The following ANKRD11 variants were observed in gnomAD, a reference collection of about 807,000 sequenced individuals.
ANKRD11 encodes ankyrin repeat domain 11.
A neutral mutation model predicts 195.7 loss-of-function variants in ANKRD11; 17 were observed. That is an observed-to-expected ratio of 0.09 (90% CI 0.06 to 0.13). The LOEUF (loss-of-function observed/expected upper bound fraction) is 0.13. ANKRD11 is among the 10% of genes least tolerant of loss of function. The pLI is 1.00. For missense variants in ANKRD11, 3,735 were observed against 3,566.1 expected, an observed-to-expected ratio of 1.05 and a Z score of -1.21; for synonymous variants, 1,953 against 1,528.1, an observed-to-expected ratio of 1.28 and a Z score of -6.49.
chr16:89,435,513 G>A (rs2043177091), intron 1 of ANKRD11, among the ~76,000 whole-genome samples: 1 of 152,134 alleles, frequency 6.6e-6, no homozygotes, highest in African/African-American at 2.4e-5. Flanking sequence ...CACTCCTGAA[G>A]TCAGCGAGAC....
intron 1 of ANKRD11, among the ~76,000 whole-genome samples, chr16:89,433,734 C>T (rs976003812): frequency 1.3e-5 from 2 of 150,682 alleles, no homozygotes; most frequent in South Asian, 2.1e-4. Flanking sequence ...AGAGAAGGAA[C>T]GGGCTTGGAC....
chr16:89,280,218 G>A lies in ANKRD11; in HGVS notation c.6324C>T (p.Gly2108=), dbSNP rs765982650. The A allele has an allele frequency of 5.6e-6, 9 of 1,607,566 alleles. No homozygotes were observed. In the East Asian group the frequency reaches 1.3e-4, roughly 24 times the overall value. The part of the protein sequence containing the change: ...LENSFLDGSR[G]LSHLGQVEPV... ...GCTCCACCTGGCCGAGGTGAGACAG[G>A]CCGCGGCTGCCGTCCAGGAAGCTAT... The change falls in exon 9 of 13, where the codon GGC becomes GGT. Residue 2108 remains glycine (G), a synonymous_variant. Coordinates refer to ENST00000301030, the MANE Select transcript of ANKRD11 (RefSeq NM_013275.6).
chr16:89,291,098 T>C lies in ANKRD11; in HGVS notation c.312A>G (p.Gly104=). 1.9e-6 allele frequency: 3 copies of C among 1,613,862 alleles called. No homozygotes were observed. Among genetic ancestry groups the C allele is most frequent in the South Asian group, 1.1e-5 (1 of 91,084 alleles). The change falls in exon 5 of 13, where the codon GGA becomes GGG. Residue 104 remains glycine (G), a synonymous_variant. Coordinates refer to ENST00000301030, the MANE Select transcript of ANKRD11 (RefSeq NM_013275.6). The surrounding 1 kb of genome is among the most constrained non-coding windows in gnomAD (Gnocchi z 5.3). ...CGGAGAGGGGGTAGCCGGCTCGGAT[T>C]CCAGACAGCCCCATGCCAAACAGCA... ...AGLLFGMGLS[G]IRAGYPLSER...
chr16:89,340,643 T>C (rs2038612392), intron 2 of ANKRD11, among the ~76,000 whole-genome samples: 2 of 152,240 alleles, frequency 1.3e-5, no homozygotes, highest in Non-Finnish European at 2.9e-5. Context: ...CATCATCTTT[T>C]TTTCTAACAT....
At chr16:89,330,853 A>C (rs2038028584) in intron 2 of ANKRD11, among the ~76,000 whole-genome samples, 1 of 152,192 alleles carries the variant, frequency 6.6e-6, no homozygotes, top group Non-Finnish European at 1.5e-5. Flanking sequence ...AACTTCCCCC[A>C]GTGGCTTTTG....
Position 89,281,977 on chromosome 16 carries a change from C to T in ANKRD11, c.4565G>A (p.Gly1522Asp). 3 of 1,612,854 alleles carry T rather than the reference C, an allele frequency of 1.9e-6. No homozygotes were observed. The South Asian group carries it at 3.3e-5, about 18-fold the overall frequency. The change falls in exon 9 of 13, where the codon GGC (glycine) becomes GAC (aspartate). Residue 1522 changes from glycine (G) to aspartate (D), a missense_variant. Physicochemically the swap from Gly to Asp is moderately conservative, Grantham distance 94. Transcript: ENST00000301030. The surrounding 1 kb of genome is among the most constrained non-coding windows in gnomAD (Gnocchi z 5.5). Reference sequence around the variant, plus strand: ...CAGTTTGGCATCGCCGAGCCTCGGGCCCTCGTCCCTGGACTTGTCTTTGAG... The same window carrying T: ...CAGTTTGGCATCGCCGAGCCTCGGGTCCTCGTCCCTGGACTTGTCTTTGAG... The part of the protein sequence containing the change: ...RVLKDKSRDE[G>D]PRLGDAKLKE...
Position 89,292,503 on chromosome 16 carries a change from A to T in ANKRD11, c.227-1320T>A, listed in dbSNP as rs572439522. 2.0e-5 allele frequency among the ~76,000 whole-genome samples: 3 copies of T among 152,236 alleles called. No individual in the cohort carries two copies. In the East Asian group the frequency reaches 5.8e-4, roughly 29 times the overall value. ...GTTCTTTCCAAGGTATCTGAGGCTGATTTCTTAGGAATTCGGTCTGGGGCA... is the reference window on the plus strand; with the variant it reads ...GTTCTTTCCAAGGTATCTGAGGCTGTTTTCTTAGGAATTCGGTCTGGGGCA... On this transcript the variant is annotated intron_variant, in intron 4 of 12. Coordinates refer to ENST00000301030, the MANE Select transcript of ANKRD11 (RefSeq NM_013275.6).
intron 7 of ANKRD11, chr16:89,287,857 C>T (rs895231750): frequency 2.5e-5 from 7 of 277,604 alleles, no homozygotes; most frequent in East Asian, 1.9e-4. Context: ...AGGAGCACGA[C>T]GGGCACCAGC....
intron 1 of ANKRD11, among the ~76,000 whole-genome samples, chr16:89,424,835 G>A (rs1192814807): frequency 6.6e-6 from 1 of 152,100 alleles, no homozygotes; most frequent in Non-Finnish European, 1.5e-5. Context: ...AGGGACGGGG[G>A]CCCCCAGTGG....
chr16:89,346,453 T>C (rs1279804406), intron 2 of ANKRD11, among the ~76,000 whole-genome samples: 2 of 151,962 alleles, frequency 1.3e-5, no homozygotes, highest in African/African-American at 4.8e-5. Flanking sequence ...AACACAATAA[T>C]CACGCAATCC....
rs1038889507 is a variant in ANKRD11, at chr16:89,471,336, T to C, written c.-145+18909A>G. Among the ~76,000 whole-genome samples, 9 of 152,260 alleles carry C rather than the reference T, an allele frequency of 5.9e-5. No individual in the cohort carries two copies. In the East Asian group the frequency reaches 1.7e-3, roughly 29 times the overall value. The stretch of plus-strand genomic sequence containing the variant: ...AAAAGCCTGCTGCCCCGAAGTCCTG[T>C]GTGGAGTGGTGCTCTCACCACTCAG... On this transcript the variant is annotated intron_variant, in intron 1 of 12. Coordinates refer to ENST00000301030, the MANE Select transcript of ANKRD11 (RefSeq NM_013275.6).
At chr16:89,418,207 C>G in intron 2 of ANKRD11, 77 bp downstream of exon 2, 1 of 443,240 alleles carries the variant, frequency 2.3e-6, no homozygotes, top group South Asian at 1.6e-5. Context: ...CCTGGACACT[C>G]ACGCATTATT....
chr16:89,483,987 A>G (rs2057526574), intron 1 of ANKRD11, among the ~76,000 whole-genome samples: 2 of 152,200 alleles, frequency 1.3e-5, no homozygotes, highest in African/African-American at 4.8e-5. Context: ...AAAAATCCAC[A>G]AAGTCTAAAA....
chr16:89,486,792 G>A (rs531998583), intron 1 of ANKRD11, among the ~76,000 whole-genome samples: 34 of 152,124 alleles, frequency 2.2e-4, no homozygotes, highest in African/African-American at 8.0e-4. Flanking sequence ...GATCACTTGA[G>A]GTCAGGAGTT....
chr16:89,423,373 C>T (rs1290562344), intron 1 of ANKRD11, among the ~76,000 whole-genome samples: 2 of 152,256 alleles, frequency 1.3e-5, no homozygotes, highest in Non-Finnish European at 2.9e-5. Flanking sequence ...GTCACACCAG[C>T]CTGTCTCAGG....
At chr16:89,329,801 G>C (rs557535229) in intron 2 of ANKRD11, among the ~76,000 whole-genome samples, 1 of 152,104 alleles carries the variant, frequency 6.6e-6, no homozygotes, top group Non-Finnish European at 1.5e-5. Flanking sequence ...TTGAGGTCAG[G>C]AGTTCGAAAC....
At chr16:89,428,674 T>C (rs940498624) in intron 1 of ANKRD11, among the ~76,000 whole-genome samples, 4 of 151,782 alleles carry the variant, frequency 2.6e-5, no homozygotes, top group African/African-American at 9.7e-5. Context: ...AGTGGATGGA[T>C]CACGAAGTCA....
chr16:89,336,398 C>G (rs1164426031), intron 2 of ANKRD11, among the ~76,000 whole-genome samples: 1 of 152,224 alleles, frequency 6.6e-6, no homozygotes, highest in African/African-American at 2.4e-5. Flanking sequence ...ATTCAAAGAC[C>G]CAGGAAGGAA....
chr16:89,345,494 A>ACCAGGCCCTCCAGTGGCC (rs2152011171), intron 2 of ANKRD11, among the ~76,000 whole-genome samples: 1 of 152,318 alleles, frequency 6.6e-6, no homozygotes, highest in African/African-American at 2.4e-5. Flanking sequence ...GGAGGCAGAG[A>ACCAGGCCCTCCAGTGGCC]CCAGGCCCTC....
Sources: allele counts gnomAD v4.1 joint callset (sites outside exome capture counted in the v4.1 genomes callset), GRCh38; gene constraint gnomAD v4.1.1; non-coding constraint Gnocchi (gnomAD v3.1); transcripts MANE v1.5; gene names NCBI Gene and HGNC (gene_info 2026-07-23, HGNC 2026-07-21).